Variants in CSE1L observed in about 807,000 individuals in gnomAD.
CSE1L encodes chromosome segregation 1 like.
CSE1L carries 24 observed loss-of-function variants against 120.4 expected under a neutral mutation model. The ratio of observed to expected loss-of-function variants is 0.20; its 90% CI spans 0.14 to 0.28. The LOEUF (loss-of-function observed/expected upper bound fraction) is 0.28. CSE1L is among the 10% of genes least tolerant of loss of function. CSE1L has a pLI of 1.00. For missense variants in CSE1L, 830 were observed against 1,145.2 expected, an observed-to-expected ratio of 0.72 and a Z score of 3.97; for synonymous variants, 402 against 398.3, an observed-to-expected ratio of 1.01 and a Z score of -0.11.
intron 2 of CSE1L, among the ~76,000 whole-genome samples, chr20:49,059,955 C>G (rs1045656133): frequency 1.1e-4 from 17 of 151,908 alleles, no homozygotes; most frequent in African/African-American, 3.6e-4. Context: ...GAGGCCAAGG[C>G]AGGAAGATCC....
At chr20:49,081,012 T>C (rs3092208) in intron 14 of CSE1L, among the ~76,000 whole-genome samples, 2,564 of 151,678 alleles carry the variant, frequency 0.017, 68 homozygotes, top group African/African-American at 0.058. Context: ...GAGAGGTAGT[T>C]TTGCTCTGTT....
chr20:49,091,993 C>G, intron 21 of CSE1L, 53 bp from the exon 22 acceptor site: 1 of 950,596 alleles, frequency 1.1e-6, no homozygotes, highest in Non-Finnish European at 1.7e-6. Context: ...TTATCAGTTA[C>G]CAGTTTAGTG....
rs542578829 is a variant in CSE1L, at chr20:49,060,503, C to T, written c.85+1955C>T. Among the ~76,000 whole-genome samples the T allele has an allele frequency of 4.0e-4, 60 of 150,536 alleles. No homozygotes were observed. In the South Asian group the frequency reaches 6.5e-3, roughly 16 times the overall value. ...AAGAAAAAAAAAAATTGGACAGGCACATTTGCTCACGCCTGTAATCCCAGC... is the reference window on the plus strand; with the variant it reads ...AAGAAAAAAAAAAATTGGACAGGCATATTTGCTCACGCCTGTAATCCCAGC... On this transcript the variant is annotated intron_variant, in intron 2 of 24. Transcript: ENST00000262982.
At chr20:49,073,139 GT>G (rs1363715862) in intron 10 of CSE1L, among the ~76,000 whole-genome samples, 2 of 152,110 alleles carry the variant, frequency 1.3e-5, no homozygotes, top group Admixed American at 1.3e-4. Flanking sequence ...AGTCTTCTGA[GT>G]AGCTGGGACC....
chr20:49,055,826 C>T (rs954551789), intron 1 of CSE1L, among the ~76,000 whole-genome samples: 10 of 151,846 alleles, frequency 6.6e-5, no homozygotes, highest in Admixed American at 1.3e-4. Context: ...TATCTATCAC[C>T]GAGATGTTAT....
At position 49,058,471 on chromosome 20, in the gene CSE1L, T is replaced by G; in HGVS notation, c.8T>G (p.Leu3Arg). The change falls in exon 2 of 25, where the codon CTC (leucine) becomes CGC (arginine). Residue 3 changes from leucine to arginine, a missense_variant. Around this residue, in one of 4 missense-constraint regions of CSE1L, gnomAD observed 543 missense variants for 640.2 expected, o/e 0.85. Coordinates refer to ENST00000262982, the MANE Select transcript of CSE1L (RefSeq NM_001316.4). The stretch of plus-strand genomic sequence containing the variant: ...ATTTTAGATCCTATAGCAATGGAAC[T>G]CAGCGATGCAAATCTGCAAACACTA... ME[L>R]SDANLQTLTE... is the part of the protein sequence containing the mutation. The G allele has an allele frequency of 6.2e-7, 1 of 1,612,860 alleles. No individual in the cohort carries two copies. Among genetic ancestry groups the G allele is most frequent in the Non-Finnish European group, 8.5e-7 (1 of 1,179,114 alleles).
intron 22 of CSE1L, 100 bp from the exon 23 acceptor site, chr20:49,094,040 G>A: frequency 9.2e-6 from 7 of 764,022 alleles, no homozygotes; most frequent in Admixed American, 3.3e-5. Context: ...TTGTTATTTA[G>A]TAATTTATCA....
chr20:49,080,807 A>C (rs1392679790), intron 14 of CSE1L, among the ~76,000 whole-genome samples: 1 of 152,084 alleles, frequency 6.6e-6, no homozygotes, highest in East Asian at 1.9e-4. Context: ...AAAGTCTTAC[A>C]GTCTGTTGGC....
intron 3 of CSE1L, among the ~76,000 whole-genome samples, chr20:49,064,911 T>G (rs940037698): frequency 6.6e-5 from 10 of 151,198 alleles, no homozygotes; most frequent in African/African-American, 2.4e-4. Flanking sequence ...TCCCAGCACT[T>G]TAGGAGGCTC....
At chr20:49,048,192 C>G (rs2091737120) in intron 1 of CSE1L, among the ~76,000 whole-genome samples, 1 of 146,444 alleles carries the variant, frequency 6.8e-6, no homozygotes, top group Non-Finnish European at 1.5e-5. Context: ...TCCTAATGGA[C>G]CTCGTCTCTC....
chr20:49,091,413 G>A (rs2092100146), intron 21 of CSE1L, among the ~76,000 whole-genome samples: 1 of 151,270 alleles, frequency 6.6e-6, no homozygotes, highest in African/African-American at 2.4e-5. Context: ...GTGACAGAGT[G>A]AGACCCTGTC....
At chr20:49,089,817 A>G in intron 19 of CSE1L, 71 bp downstream of exon 19, 1 of 1,411,478 alleles carries the variant, frequency 7.1e-7, no homozygotes, top group East Asian at 2.3e-5. Context: ...CAGATGTTTG[A>G]AATTTTTTTA....
chr20:49,085,194 G>A, intron 15 of CSE1L, 89 bp from the exon 16 acceptor site: 1 of 918,908 alleles, frequency 1.1e-6, no homozygotes, highest in Admixed American at 1.9e-5. Context: ...GTTTTATGCT[G>A]AGAAGGGTGA....
chr20:49,089,821 T>A (rs751818124), intron 19 of CSE1L, 75 bp downstream of exon 19: 176 of 1,400,572 alleles, frequency 1.3e-4, no homozygotes, highest in Non-Finnish European at 1.6e-4. Context: ...TGTTTGAAAT[T>A]TTTTTATTTA....
intron 14 of CSE1L, among the ~76,000 whole-genome samples, chr20:49,082,302 C>T (rs1351192629): frequency 2.0e-5 from 3 of 152,020 alleles, no homozygotes; most frequent in Non-Finnish European, 4.4e-5. Flanking sequence ...CAGGTGCCCA[C>T]CACCACGCCC....
At chr20:49,050,519 C>T (rs7265500) in intron 1 of CSE1L, among the ~76,000 whole-genome samples, 58,723 of 149,874 alleles carry the variant, frequency 0.39, 11,542 homozygotes, top group Middle Eastern at 0.51. Flanking sequence ...TCTCCTGTCT[C>T]AGCCTCCTGA....
intron 1 of CSE1L, among the ~76,000 whole-genome samples, chr20:49,049,869 A>G (rs540139760): frequency 3.0e-4 from 46 of 152,322 alleles, no homozygotes; most frequent in Non-Finnish European, 6.3e-4. Context: ...TACAGAAACA[A>G]CACAAAAATT....
chr20:49,084,093 T>G lies in CSE1L; in HGVS notation c.1550T>G (p.Val517Gly). Residue 517 changes from valine (V) to glycine (G), a missense_variant, in exon 15 of 25, where the codon GTT becomes GGT. Physicochemically the swap from Val to Gly is moderately radical, Grantham distance 109. Transcript: ENST00000262982. The stretch of plus-strand genomic sequence containing the variant: ...AATCATCTTCAAGCTGAAAGTATTG[T>G]TGTTCATACTTACGCAGCTCATGCT... ...LINHLQAESI[V>G]VHTYAAHALE... 6.2e-7 allele frequency: 1 copy of G among 1,613,888 alleles called. No individual in the cohort carries two copies. Among genetic ancestry groups the G allele is most frequent in the Non-Finnish European group, 8.5e-7 (1 of 1,179,750 alleles).
chr20:49,075,349 T>G lies in CSE1L; in HGVS notation c.1164T>G (p.Asp388Glu), dbSNP rs777138985. 1 of 1,614,090 alleles carries G rather than the reference T, an allele frequency of 6.2e-7. No homozygotes were observed. Among genetic ancestry groups the G allele is most frequent in the Non-Finnish European group, 8.5e-7 (1 of 1,179,986 alleles). The stretch of plus-strand genomic sequence containing the variant: ...ATACTAGACGCAGGGCTGCTTGTGA[T>G]CTGGTACGAGGATTATGCAAGTTTT... ...DIDTRRRAAC[D>E]LVRGLCKFFE... Residue 388 changes from aspartate to glutamate, a missense_variant, in exon 12 of 25, where the codon GAT (aspartate) becomes GAG (glutamate). Coordinates refer to ENST00000262982, the MANE Select transcript of CSE1L (RefSeq NM_001316.4).
Sources: gnomAD v4.1 joint callset for allele counts (sites outside exome capture counted in the v4.1 genomes callset) on GRCh38, gnomAD v4.1.1 for gene constraint, gnomAD v4.1.1 regional missense constraint, MANE v1.5 for transcripts, NCBI Gene and HGNC (gene_info 2026-07-23, HGNC 2026-07-21) for gene names.